TP63: variants seen among roughly 807,000 people sequenced by gnomAD.
TP63 encodes tumor protein 63.
In TP63, 17 loss-of-function variants were observed where a neutral mutation model predicts 82.8. That is an observed-to-expected ratio of 0.21 (90% CI 0.14 to 0.31). TP63 has a LOEUF of 0.31. Among genes scored for constraint, TP63 ranks in the 10% least tolerant of loss-of-function variants. TP63 has a pLI of 1.00. For missense variants in TP63, 648 were observed against 895.3 expected, an observed-to-expected ratio of 0.72 and a Z score of 3.52; for synonymous variants, 330 against 321.7, an observed-to-expected ratio of 1.03 and a Z score of -0.28.
the TP63 span, among the ~76,000 whole-genome samples, chr3:189,616,084 A>T: frequency 2.0e-5 from 3 of 152,220 alleles, no homozygotes; most frequent in Non-Finnish European, 4.4e-5. Context: ...AGGTCTCTTC[A>T]TGAGTGTCAT....
At chr3:189,871,373 T>A (rs1718399729) in intron 9 of TP63, among the ~76,000 whole-genome samples, 1 of 152,106 alleles carries the variant, frequency 6.6e-6, no homozygotes, top group Non-Finnish European at 1.5e-5. Flanking sequence ...AATAAATAAA[T>A]GTAATGTAAT....
chr3:189,777,845 C>CTTTTTTTTTTTTTTTTTTTTT lies in TP63; in HGVS notation c.325-30419_325-30399dup, dbSNP rs55731981. On this transcript the variant is annotated intron_variant, in intron 3 of 13. Coordinates refer to ENST00000264731, the MANE Select transcript of TP63 (RefSeq NM_003722.5). ...GAGTCTTCTTCTTCTTCTTCTTCTT[C>CTTTTTTTTTTTTTTTTTTTTT]TTTTTTTTTTTTTTTTTTTTTTTTT... Among the ~76,000 whole-genome samples, 5 of 37,768 alleles carry CTTTTTTTTTTTTTTTTTTTTT rather than the reference C, an allele frequency of 1.3e-4. 1 individual carries two copies. Among genetic ancestry groups the CTTTTTTTTTTTTTTTTTTTTT allele is most frequent in the African/African-American group, 2.3e-4 (2 of 8,514 alleles). 24.8% of individuals were successfully genotyped at this position (37,768 alleles called of 152,430 possible).
chr3:189,893,655 T>A (rs187582897), intron 13 of TP63, among the ~76,000 whole-genome samples: 20 of 152,352 alleles, frequency 1.3e-4, no homozygotes, highest in African/African-American at 4.8e-4. Flanking sequence ...TTTCACTTAG[T>A]TATGTGACTT....
intron 1 of TP63, among the ~76,000 whole-genome samples, chr3:189,633,953 A>T (rs557275061): frequency 6.6e-6 from 1 of 152,106 alleles, no homozygotes; most frequent in African/African-American, 2.4e-5. Flanking sequence ...ACTGTTTGTC[A>T]TGTGTTTTAA....
In TP63 at chr3:189,868,575, C is replaced by G; in HGVS notation, c.993-5C>G. On this transcript the variant is annotated splice_polypyrimidine_tract_variant and splice_region_variant and intron_variant, in intron 7 of 13. Transcript: ENST00000264731. ...CTCTTTCTTCCCCTTTATTCTAATT[C>G]CTAGTGGGCAAGTCCTGGGCCGACG... The G allele has an allele frequency of 6.2e-7, 1 of 1,613,972 alleles. No homozygotes were observed. The highest frequency in any genetic ancestry group is 1.7e-5 in the Admixed American group (1 of 60,014).
At chr3:189,754,836 C>T (rs1722068198) in intron 3 of TP63, among the ~76,000 whole-genome samples, 1 of 152,150 alleles carries the variant, frequency 6.6e-6, no homozygotes, top group Admixed American at 6.6e-5. Context: ...TCCTTTTGTT[C>T]TTCCTATACA....
chr3:189,613,594 G>A, the TP63 span, among the ~76,000 whole-genome samples: 1 of 152,170 alleles, frequency 6.6e-6, no homozygotes, highest in African/African-American at 2.4e-5. Context: ...TGTGAGAAGA[G>A]GGCCACAGTC....
intron 3 of TP63, among the ~76,000 whole-genome samples, chr3:189,802,241 G>T (rs1470577847): frequency 1.3e-5 from 2 of 152,146 alleles, no homozygotes; most frequent in African/African-American, 4.8e-5. Flanking sequence ...TAAAGCCAGG[G>T]TCATCAAGTA....
chr3:189,857,333 GAGA>G (rs1716416857), intron 4 of TP63, among the ~76,000 whole-genome samples: 1 of 152,110 alleles, frequency 6.6e-6, no homozygotes, highest in East Asian at 1.9e-4. Context: ...CTGTTAAAAA[GAGA>G]AGAATTATAA....
intron 1 of TP63, among the ~76,000 whole-genome samples, chr3:189,646,086 C>T (rs1484346134): frequency 6.8e-6 from 1 of 147,034 alleles, no homozygotes; most frequent in Non-Finnish European, 1.5e-5. Context: ...TCCAGTGGTT[C>T]CCAAGGTGTG....
intron 4 of TP63, among the ~76,000 whole-genome samples, chr3:189,855,692 G>A (rs762181576): frequency 9.0e-4 from 137 of 151,964 alleles, no homozygotes; most frequent in Middle Eastern, 3.4e-3. Context: ...CCTAGTTTGT[G>A]TGTATATATG....
intron 1 of TP63, among the ~76,000 whole-genome samples, chr3:189,698,280 A>G (rs548661799): frequency 1.3e-5 from 2 of 152,234 alleles, no homozygotes; most frequent in East Asian, 1.9e-4. Context: ...TTCTCCATCA[A>G]TTAATAAGAT....
rs1440283963 is a variant in TP63, at chr3:189,792,983, T to G, written c.325-15289T>G. 3.3e-5 allele frequency among the ~76,000 whole-genome samples: 5 copies of G among 152,190 alleles called. No homozygotes were observed. In the East Asian group the frequency reaches 9.7e-4, roughly 30 times the overall value. ...GTTTTCTATTGATAGTTAATAAATG[T>G]ATTAAGCTGTCCCATGTTGTACTTC... On this transcript the variant is annotated intron_variant, in intron 3 of 13. Coordinates refer to ENST00000264731, the MANE Select transcript of TP63 (RefSeq NM_003722.5).
chr3:189,700,722 G>C (rs1001290895), intron 1 of TP63, among the ~76,000 whole-genome samples: 3 of 152,170 alleles, frequency 2.0e-5, no homozygotes, highest in African/African-American at 7.2e-5. Flanking sequence ...GCTCCAATGA[G>C]CAGCTGGTAC....
At position 189,896,735 on chromosome 3, in the gene TP63, C is replaced by T; in HGVS notation, c.*2233C>T. 1 of 203,910 alleles carries T rather than the reference C, an allele frequency of 4.9e-6. No homozygotes were observed. The allele number at this position is 203,910 out of a possible 1,614,324, so 12.6% of individuals were successfully genotyped here. On this transcript the variant is annotated 3_prime_UTR_variant, in exon 14 of 14. Transcript: ENST00000264731. ...CCTGTACTGTGTCTCATGGATTTGG[C>T]ACTAGCCAAAGCGAGGCACCCTTAC...
At chr3:189,893,972 A>C (rs1721269263) in intron 13 of TP63, among the ~76,000 whole-genome samples, 1 of 152,286 alleles carries the variant, frequency 6.6e-6, no homozygotes, top group South Asian at 2.1e-4. Flanking sequence ...AACTGAGGCC[A>C]GTAGAGACTA....
intron 1 of TP63, among the ~76,000 whole-genome samples, chr3:189,703,767 G>A (rs1717995361): frequency 6.6e-6 from 1 of 152,104 alleles, no homozygotes; most frequent in Non-Finnish European, 1.5e-5. Context: ...TTTCTCTAAA[G>A]ACAAGGAAAT....
At position 189,892,562 on chromosome 3, in the gene TP63, G is replaced by A. The variant is rs910414008; in HGVS notation, c.1747-1644G>A. Among the ~76,000 whole-genome samples the A allele has an allele frequency of 4.6e-5, 7 of 152,194 alleles. No individual in the cohort carries two copies. The East Asian group carries it at 9.6e-4, about 21-fold the overall frequency. On this transcript the variant is annotated intron_variant, in intron 13 of 13. Transcript: ENST00000264731. The stretch of plus-strand genomic sequence containing the variant: ...AATCCCAGCACTTTGGGAGGCCGAG[G>A]CAGGCGGATCACGAGGTCAGGAGAC...
At chr3:189,872,616 T>C (rs1486559657) in intron 9 of TP63, among the ~76,000 whole-genome samples, 2 of 152,122 alleles carry the variant, frequency 1.3e-5, no homozygotes, top group African/African-American at 4.8e-5. Flanking sequence ...AGCTACAAGA[T>C]GACAGAGCAT....
Sources: gnomAD v4.1 joint callset for allele counts (sites outside exome capture counted in the v4.1 genomes callset) on GRCh38, gnomAD v4.1.1 for gene constraint, MANE v1.5 for transcripts, NCBI Gene and HGNC (gene_info 2026-07-23, HGNC 2026-07-21) for gene names.